The following TIAL1 variants were observed in gnomAD, a reference collection of about 807,000 sequenced individuals.
TIAL1 encodes the protein TIA1 cytotoxic granule associated RNA binding protein like 1.
In TIAL1, 7 loss-of-function variants were observed where a neutral mutation model predicts 59.7. The ratio of observed to expected loss-of-function variants is 0.12; its 90% CI spans 0.07 to 0.22. TIAL1 has a LOEUF of 0.22. Ranked by LOEUF, TIAL1 falls within the 10% of genes least tolerant of loss-of-function variation. The pLI is 1.00. For missense variants in TIAL1, 225 were observed against 462.5 expected (o/e 0.49, Z 4.71); for synonymous variants, 149 against 146.3 (o/e 1.02, Z -0.13).
rs552607115 is a variant in TIAL1 at position 119,582,754 on chromosome 10, C to T, written c.130-197G>A. The T allele has an allele frequency of 8.8e-6, 6 of 680,578 alleles. No individual in the cohort carries two copies. Among genetic ancestry groups the T allele is most frequent in the East Asian group, 6.3e-5 (2 of 31,988 alleles). The allele number at this position is 680,578 out of a possible 1,614,324, so 42.2% of individuals were successfully genotyped here. A position where few individuals can be genotyped will look rare whatever the true frequency, so the allele number is the denominator to read the frequency against. On this transcript the variant is annotated intron_variant, in intron 2 of 11. Transcript: ENST00000436547. This position sits in a 1 kb window ranked among gnomAD's most constrained non-coding sequence, Gnocchi z 5.1. ...ACCTCAGAATACTGCTGAACTCAAA[C>T]GGAACTATAAAAGCAGTTGTAGAAT...
chr10:119,576,908 G>A, intron 10 of TIAL1, 158 bp from the exon 11 acceptor site: 1 of 1,334,284 alleles, frequency 7.5e-7, no homozygotes, highest in Non-Finnish European at 1.0e-6. Flanking sequence ...GGTGACACCT[G>A]TGAAAAGAAA....
chr10:119,593,338 A>C (rs1185224059), intron 1 of TIAL1: 5 of 347,700 alleles, frequency 1.4e-5, no homozygotes, highest in African/African-American at 2.2e-5. Flanking sequence ...CAGACCTTTA[A>C]AGCAACTATA....
chr10:119,576,531 G>C, intron 11 of TIAL1, 80 bp downstream of exon 11: 2 of 1,528,356 alleles, frequency 1.3e-6, no homozygotes, highest in Non-Finnish European at 1.8e-6. Context: ...AATTAAAATA[G>C]ATTCTCCCTA....
At chr10:119,576,820 C>A in intron 10 of TIAL1, 70 bp from the exon 11 acceptor site, 1 of 1,572,002 alleles carries the variant, frequency 6.4e-7, no homozygotes, top group Non-Finnish European at 8.6e-7. Context: ...GAGTGGGAGA[C>A]AAGGAAGAGA....
chr10:119,581,849 TAATTCAA>T (rs1044938801), intron 5 of TIAL1, 66 bp downstream of exon 5: 16 of 1,124,510 alleles, frequency 1.4e-5, no homozygotes, highest in Non-Finnish European at 2.0e-5. Context: ...AAGAAAATCT[TAATTCAA>T]TTACAAGTTA....
In TIAL1 at chr10:119,596,468, T is replaced by TGG; in HGVS notation, c.-5_-4dup. 3 of 1,290,482 alleles carry TGG rather than the reference T, an allele frequency of 2.3e-6. No homozygotes were observed. Among genetic ancestry groups the TGG allele is most frequent in the Non-Finnish European group, 3.0e-6 (3 of 993,610 alleles). 79.9% of individuals were successfully genotyped at this position (1,290,482 alleles called of 1,614,324 possible). Reference sequence around the variant, plus strand: ...GGCTGCCCGTCGTCTTCCATCATGGTGGGTGCGACGGAGCGATCCCGGGAC... The same window carrying TGG: ...GGCTGCCCGTCGTCTTCCATCATGGTGGGGGTGCGACGGAGCGATCCCGGGAC... On this transcript the variant is annotated 5_prime_UTR_variant, in exon 1 of 12. Coordinates refer to ENST00000436547, the MANE Select transcript of TIAL1 (RefSeq NM_003252.4).
At chr10:119,584,525 C>T (rs1174233617) in intron 2 of TIAL1, among the ~76,000 whole-genome samples, 2 of 152,056 alleles carry the variant, frequency 1.3e-5, no homozygotes, top group Non-Finnish European at 2.9e-5. Flanking sequence ...CACCAAGTGA[C>T]ATCCTAAAAA....
rs1313585979 is a variant in TIAL1 at position 119,588,931 on chromosome 10, C to G, written c.33-683G>C. On this transcript the variant is annotated intron_variant, in intron 1 of 11. Coordinates refer to ENST00000436547, the MANE Select transcript of TIAL1 (RefSeq NM_003252.4). ...TTCTAATTAAAAATAATTTATAACA[C>G]ACACACACATACAACAAATACTAAT... Among the ~76,000 whole-genome samples, 9 of 152,172 alleles carry G rather than the reference C, an allele frequency of 5.9e-5. No individual in the cohort carries two copies. In the East Asian group the frequency reaches 1.5e-3, roughly 26 times the overall value.
At position 119,579,935 on chromosome 10, in the gene TIAL1, C is replaced by A; in HGVS notation, c.447G>T (p.Leu149=). The change falls in exon 6 of 12, where the codon CTG becomes CTT. Residue 149 remains leucine, a splice_region_variant and synonymous_variant. Coordinates refer to ENST00000436547, the MANE Select transcript of TIAL1 (RefSeq NM_003252.4). The part of the protein sequence containing the change: ...GYGFVSFYNK[L]DAENAIVHMG... ...TATAAATTGAGATGGAAGAACGTAC[C>A]AGTTTGTTATAAAAAGATACAAAAC... 6.3e-7 allele frequency: 1 copy of A among 1,585,994 alleles called. No homozygotes were observed. Among genetic ancestry groups the A allele is most frequent in the East Asian group, 2.3e-5 (1 of 43,624 alleles).
chr10:119,596,397 C>T, intron 1 of TIAL1, 37 bp downstream of exon 1: 2 of 1,610,730 alleles, frequency 1.2e-6, no homozygotes, highest in Non-Finnish European at 1.7e-6. Context: ...GTGCCCGGGC[C>T]TCTTGGCGCC....
In TIAL1 at chr10:119,574,600, A is replaced by C. The variant is rs1162696399; in HGVS notation, c.*1065T>G. On this transcript the variant is annotated 3_prime_UTR_variant, in exon 12 of 12. Coordinates refer to ENST00000436547, the MANE Select transcript of TIAL1 (RefSeq NM_003252.4). ...GTAATGTAAAGCAAAAAAAAAAAAAAAAAAAAACAAAAACAAAAAACTAAT... is the reference window on the plus strand; with the variant it reads ...GTAATGTAAAGCAAAAAAAAAAAAACAAAAAAACAAAAACAAAAAACTAAT... The C allele has an allele frequency of 9.6e-5, 14 of 145,534 alleles. No homozygotes were observed. Among genetic ancestry groups the C allele is most frequent in the Non-Finnish European group, 1.8e-4 (12 of 67,656 alleles). The allele number at this position is 145,534 out of a possible 1,614,324, so 9.0% of individuals were successfully genotyped here. A position where few individuals can be genotyped will look rare whatever the true frequency, so the allele number is the denominator to read the frequency against.
intron 2 of TIAL1, among the ~76,000 whole-genome samples, chr10:119,585,452 A>T (rs772762449): frequency 5.9e-4 from 59 of 99,430 alleles, no homozygotes; most frequent in Non-Finnish European, 9.4e-4. Flanking sequence ...CCTGTCTCTT[A>T]AAAAAAAAAA....
At chr10:119,588,350 T>TC (rs1352898616) in intron 1 of TIAL1, 102 bp from the exon 2 acceptor site, 1 of 408,980 alleles carries the variant, frequency 2.4e-6, no homozygotes, top group Non-Finnish European at 4.1e-6. Flanking sequence ...TTTCTTTCTT[T>TC]CTTTTTTTTT....
intron 5 of TIAL1, chr10:119,580,542 T>C (rs776500358): frequency 2.0e-5 from 20 of 1,005,846 alleles, no homozygotes; most frequent in Non-Finnish European, 2.3e-5. Context: ...TGGGCAGCTG[T>C]AAATTTTGAA....
chr10:119,577,832 G>A (rs1449953498), intron 7 of TIAL1, 96 bp from the exon 8 acceptor site: 10 of 1,097,532 alleles, frequency 9.1e-6, no homozygotes, highest in Admixed American at 3.8e-5. Context: ...GCCTCAGGCC[G>A]GGCACCCAGC....
At position 119,573,637 on chromosome 10, in the gene TIAL1, G is replaced by A. The variant is rs961472451; in HGVS notation, c.*2028C>T. The A allele has an allele frequency of 7.2e-5, 11 of 152,564 alleles. No homozygotes were observed. Among genetic ancestry groups the A allele is most frequent in the African/African-American group, 2.7e-4 (11 of 41,422 alleles). The allele number at this position is 152,564 out of a possible 1,614,324, so 9.5% of individuals were successfully genotyped here. ...TATCAATTAAAAAAAGTCTTCAGTT[G>A]TTCAAGTTTCACATATACTCATAAA... On this transcript the variant is annotated 3_prime_UTR_variant, in exon 12 of 12. Transcript: ENST00000436547.
chr10:119,579,071 G>A (rs1845173648), intron 6 of TIAL1: 2 of 521,906 alleles, frequency 3.8e-6, no homozygotes, highest in Non-Finnish European at 6.9e-6. Context: ...ATAAAATGTA[G>A]ATGACCTGTA....
At position 119,582,486 on chromosome 10, in the gene TIAL1, A is replaced by T; in HGVS notation, c.201T>A (p.Ala67=). ...TTCCCAAAATTTTTCTCCCATTCAT[A>T]GCAGCTAATGCAGCAGCTGCATCTC... ...EHRDAAAALA[A]MNGRKILGKE... The change falls in exon 3 of 12, where the codon GCT becomes GCA. Residue 67 remains alanine (A), a synonymous_variant. Transcript: ENST00000436547. This position sits in a 1 kb window ranked among gnomAD's most constrained non-coding sequence, Gnocchi z 5.1. The T allele has an allele frequency of 6.2e-7, 1 of 1,606,654 alleles. No individual in the cohort carries two copies. The highest frequency in any genetic ancestry group is 1.3e-5 in the African/African-American group (1 of 74,634).
intron 1 of TIAL1, among the ~76,000 whole-genome samples, chr10:119,594,636 T>A (rs1370325161): frequency 6.6e-6 from 1 of 152,168 alleles, no homozygotes; most frequent in Non-Finnish European, 1.5e-5. Context: ...ATTTTTTTTT[T>A]AATTGTTTAG....
Sources: allele counts gnomAD v4.1 joint callset (sites outside exome capture counted in the v4.1 genomes callset), GRCh38; gene constraint gnomAD v4.1.1; non-coding constraint Gnocchi (gnomAD v3.1); transcripts MANE v1.5; gene names NCBI Gene and HGNC (gene_info 2026-07-23, HGNC 2026-07-21).